The following TEX11 variants were observed in gnomAD, a reference collection of about 807,000 sequenced individuals.
The protein encoded by TEX11 is testis-expressed protein 11.
In TEX11, 7 loss-of-function variants were observed where a neutral mutation model predicts 84.4. That is an observed-to-expected ratio of 0.08 (90% CI 0.05 to 0.16). The LOEUF is 0.16. Ranked by LOEUF, TEX11 falls within the 10% of genes least tolerant of loss-of-function variation. The pLI, the probability that TEX11 is intolerant of heterozygous loss-of-function variation, is 1.00. For missense variants in TEX11, 551 were observed against 660.5 expected, an observed-to-expected ratio of 0.83 and a Z score of 1.82; for synonymous variants, 264 against 222.8, an observed-to-expected ratio of 1.18 and a Z score of -1.64.
At chrX:70,751,963 A>G (rs1183305921) in intron 9 of TEX11, among the ~76,000 whole-genome samples, 2 of 112,518 alleles carry the variant, frequency 1.8e-5, no homozygotes, top group African/African-American at 3.2e-5. Flanking sequence ...CTTAAGGTGT[A>G]TTACTGGGGC....
the TEX11 span, among the ~76,000 whole-genome samples, chrX:70,521,020 C>T: frequency 9.0e-6 from 1 of 111,623 alleles, no homozygotes; most frequent in East Asian, 2.8e-4. Context: ...GGGAGTGTCC[C>T]GATTTTCCAG....
At chrX:70,630,330 AG>A (rs2089497122) in intron 17 of TEX11, among the ~76,000 whole-genome samples, 1 of 108,829 alleles carries the variant, frequency 9.2e-6, no homozygotes, top group African/African-American at 3.3e-5. Flanking sequence ...AAAAAAAAAA[AG>A]AGTAAAATAT....
chrX:70,692,283 G>T (rs1327293476), intron 13 of TEX11, among the ~76,000 whole-genome samples: 1 of 111,133 alleles, frequency 9.0e-6, no homozygotes, highest in Non-Finnish European at 1.9e-5. Context: ...TTTGGTGTAA[G>T]AATTCTTAAC....
At chrX:70,692,681 A>G (rs5981004) in intron 13 of TEX11, among the ~76,000 whole-genome samples, 9 of 107,898 alleles carry the variant, frequency 8.3e-5, no homozygotes, top group Non-Finnish European at 1.3e-4. Flanking sequence ...ATATATATGT[A>G]TATATATATA....
At chrX:70,880,132 A>G (rs778113207) in intron 2 of TEX11, 23 bp from the exon 3 acceptor site, 4 of 1,146,911 alleles carry the variant, frequency 3.5e-6, no homozygotes, top group Non-Finnish European at 4.7e-6. Flanking sequence ...TGGATGATAA[A>G]TGTGCTGTGA....
At chrX:70,877,253 C>CA (rs745923745) in intron 3 of TEX11, among the ~76,000 whole-genome samples, 1 of 108,951 alleles carries the variant, frequency 9.2e-6, no homozygotes, top group South Asian at 4.0e-4. Flanking sequence ...GAGATCCTGA[C>CA]ACTGCACTCC....
intron 12 of TEX11, among the ~76,000 whole-genome samples, chrX:70,725,043 C>CT (rs397896072): frequency 7.2e-4 from 76 of 105,532 alleles, no homozygotes; most frequent in East Asian, 5.8e-3. Context: ...TTTTATTCAG[C>CT]TTTTTTTAAA....
At position 70,850,585 on chromosome X, in the gene TEX11, A is replaced by C. The variant is rs1008245451; in HGVS notation, c.525+2449T>G. 1.8e-4 allele frequency among the ~76,000 whole-genome samples: 20 copies of C among 109,744 alleles called. No individual in the cohort carries two copies. In the Admixed American group the frequency reaches 2.0e-3, roughly 11 times the overall value. ...AGTAAAACCCTCCCTCTACAAAAAA[A>C]AAAAAAAAATGTTTATTTAATTAGC... On this transcript the variant is annotated intron_variant, in intron 7 of 29. Transcript: ENST00000374333.
chrX:70,906,106 T>A (rs866650251), intron 2 of TEX11, among the ~76,000 whole-genome samples: 2 of 36,020 alleles, frequency 5.6e-5, no homozygotes, highest in Non-Finnish European at 8.2e-5. Flanking sequence ...TATATATATA[T>A]ATATATATAT....
At chrX:70,610,208 AAGAGAGG>A (rs1212829715) in intron 21 of TEX11, among the ~76,000 whole-genome samples, 23 of 54,460 alleles carry the variant, frequency 4.2e-4, no homozygotes, top group Non-Finnish European at 8.1e-4. Flanking sequence ...GGAAGGAAGG[AAGAGAGG>A]GAGGGAGGGA....
chrX:70,833,740 A>G, intron 7 of TEX11, 147 bp from the exon 8 acceptor site: 1 of 458,888 alleles, frequency 2.2e-6, no homozygotes. Context: ...AGCTAAACAG[A>G]TAGCTTGCTC....
chrX:70,744,090 G>A (rs368590263), intron 10 of TEX11, 75 bp downstream of exon 10: 3 of 584,765 alleles, frequency 5.1e-6, no homozygotes, highest in East Asian at 9.7e-5. Context: ...TGGGGAGTAC[G>A]CTATTATAAT....
At chrX:70,690,539 T>C (rs2090225223) in intron 13 of TEX11, among the ~76,000 whole-genome samples, 1 of 109,906 alleles carries the variant, frequency 9.1e-6, no homozygotes, top group African/African-American at 3.3e-5. Context: ...TACAAAAAAA[T>C]TAAAAAGAAA....
At chrX:70,897,187 A>AT (rs1556240653) in intron 2 of TEX11, among the ~76,000 whole-genome samples, 190 of 46,631 alleles carry the variant, frequency 4.1e-3, no homozygotes, top group African/African-American at 0.01. Context: ...TGTTATATAT[A>AT]ATATATGTTA....
At chrX:70,753,274 T>TGATA (rs1192968924) in intron 9 of TEX11, among the ~76,000 whole-genome samples, 2 of 110,460 alleles carry the variant, frequency 1.8e-5, no homozygotes, top group Non-Finnish European at 3.8e-5. Flanking sequence ...TAGAGAGTGC[T>TGATA]GATATCACCT....
At chrX:70,784,634 T>C (rs1231175093) in intron 9 of TEX11, among the ~76,000 whole-genome samples, 2 of 111,793 alleles carry the variant, frequency 1.8e-5, no homozygotes, top group Admixed American at 9.6e-5. Context: ...CAGCAAAGTC[T>C]CAGGATACAA....
Position 70,605,533 on chromosome X carries a change from C to G in TEX11, c.1951-16G>C. ...ACTGGGACATCTGATAAGAAGTAACCAGAACATCAATGAATAGTGAGAATT... is the reference window on the plus strand; with the variant it reads ...ACTGGGACATCTGATAAGAAGTAACGAGAACATCAATGAATAGTGAGAATT... On this transcript the variant is annotated splice_polypyrimidine_tract_variant and intron_variant, in intron 23 of 29. Transcript: ENST00000374333. 1 of 1,077,816 alleles carries G rather than the reference C, an allele frequency of 9.3e-7. No individual in the cohort carries two copies. The highest frequency in any genetic ancestry group is 1.8e-5 in the African/African-American group (1 of 55,129). 88.8% of individuals were successfully genotyped at this position (1,077,816 alleles called of 1,213,427 possible).
chrX:70,701,547 G>A (rs1405709886), intron 13 of TEX11, among the ~76,000 whole-genome samples: 4 of 112,238 alleles, frequency 3.6e-5, no homozygotes, highest in Non-Finnish European at 7.5e-5. Flanking sequence ...TGCAGAGGGA[G>A]ATTAATGTTG....
At chrX:70,682,430 C>T (rs60726471) in intron 14 of TEX11, among the ~76,000 whole-genome samples, 21,478 of 110,748 alleles carry the variant, frequency 0.19, 1,661 homozygotes, top group African/African-American at 0.21. Context: ...CACATGTGAG[C>T]TTTAAGCTCA....
Sources: gnomAD v4.1 joint callset for allele counts (sites outside exome capture counted in the v4.1 genomes callset) on GRCh38, gnomAD v4.1.1 for gene constraint, MANE v1.5 for transcripts, NCBI Gene and HGNC (gene_info 2026-07-23, HGNC 2026-07-21) for gene names.